NECTIN3: variants seen among roughly 807,000 people sequenced by gnomAD.
NECTIN3 encodes nectin cell adhesion molecule 3.
A neutral mutation model predicts 49.4 loss-of-function variants in NECTIN3; 8 were observed. The observed-to-expected ratio is 0.16, with a 90% confidence interval of 0.10 to 0.29. The LOEUF (loss-of-function observed/expected upper bound fraction) is 0.29, where lower values mean the gene tolerates loss of function less well. Ranked by LOEUF, NECTIN3 falls within the 10% of genes least tolerant of loss-of-function variation. The probability of loss-of-function intolerance (pLI) is 1.00; values close to 1 mark genes in which losing one functional copy is unlikely to be tolerated. For synonymous variants in NECTIN3, 277 were observed against 241.1 expected, an observed-to-expected ratio of 1.15 and a Z score of -1.38; for missense variants, 581 against 654.6, an observed-to-expected ratio of 0.89 and a Z score of 1.23.
At chr3:111,183,133 G>A (rs74973048) in intron 7 of NECTIN3, among the ~76,000 whole-genome samples, 2,285 of 150,664 alleles carry the variant, frequency 0.015, 56 homozygotes, top group African/African-American at 0.052. Flanking sequence ...TTCTCCCTGC[G>A]TTATAAACCT....
At chr3:111,112,471 G>T in intron 2 of NECTIN3, 100 bp downstream of exon 2, 3 of 763,384 alleles carry the variant, frequency 3.9e-6, no homozygotes, top group South Asian at 2.8e-5. Flanking sequence ...TTAACTTTAG[G>T]TTTAAAGTAA....
intron 1 of NECTIN3, among the ~76,000 whole-genome samples, chr3:111,111,547 A>G (rs1245356243): frequency 1.3e-5 from 2 of 152,140 alleles, no homozygotes; most frequent in Admixed American, 6.6e-5. Context: ...CCAAAACATA[A>G]TGGCTTTAAA....
chr3:111,099,774 G>C (rs1185021380), intron 1 of NECTIN3, among the ~76,000 whole-genome samples: 4 of 152,160 alleles, frequency 2.6e-5, no homozygotes, highest in African/African-American at 9.6e-5. Flanking sequence ...GGTTAGGGGA[G>C]TGGGGAAGAA....
At chr3:111,138,091 A>G (rs948567811), downstream of NECTIN3, among the ~76,000 whole-genome samples, 5 of 151,738 alleles carry the variant, frequency 3.3e-5, no homozygotes, top group East Asian at 1.9e-4. Context: ...TTTGGAATTA[A>G]CACATTTCAT....
At chr3:111,189,867 T>C (rs2035783537), upstream of NECTIN3, among the ~76,000 whole-genome samples, 1 of 152,156 alleles carries the variant, frequency 6.6e-6, no homozygotes, top group Admixed American at 6.5e-5. Flanking sequence ...ACCATGACTG[T>C]GGGCATGTGC....
downstream of NECTIN3, among the ~76,000 whole-genome samples, chr3:111,138,658 A>G (rs2034657562): frequency 6.6e-6 from 1 of 151,632 alleles, no homozygotes; most frequent in Admixed American, 6.6e-5. Context: ...GTTTTGGGAT[A>G]TATCTTGTTT....
intron 1 of NECTIN3, among the ~76,000 whole-genome samples, chr3:111,091,380 G>A (rs764247198): frequency 3.3e-5 from 5 of 151,924 alleles, no homozygotes; most frequent in Non-Finnish European, 5.9e-5. Flanking sequence ...TCAGCCTCCC[G>A]AGTAGCTGGG....
chr3:111,153,864 A>G (rs1034046795), intron 7 of NECTIN3, among the ~76,000 whole-genome samples: 1 of 152,082 alleles, frequency 6.6e-6, no homozygotes, highest in African/African-American at 2.4e-5. Context: ...AATATTTAAT[A>G]TGTGCTAGCA....
At chr3:111,101,810 G>A (rs899086244) in intron 1 of NECTIN3, among the ~76,000 whole-genome samples, 5 of 152,124 alleles carry the variant, frequency 3.3e-5, no homozygotes, top group African/African-American at 1.2e-4. Context: ...ATAATTACAA[G>A]ACTTTAGTTC....
chr3:111,126,981 A>G (rs991306767), intron 5 of NECTIN3, among the ~76,000 whole-genome samples: 1 of 152,210 alleles, frequency 6.6e-6, no homozygotes, highest in Non-Finnish European at 1.5e-5. Flanking sequence ...AGAGCTAAAA[A>G]TACATCTTTT....
chr3:111,085,087 C>G (rs983952516), intron 1 of NECTIN3, among the ~76,000 whole-genome samples: 3 of 152,200 alleles, frequency 2.0e-5, no homozygotes, highest in Admixed American at 1.3e-4. Flanking sequence ...GATCTGTTGT[C>G]ACATGACGTT....
chr3:111,189,802 G>T (rs2035781936), upstream of NECTIN3, among the ~76,000 whole-genome samples: 1 of 152,200 alleles, frequency 6.6e-6, no homozygotes, highest in African/African-American at 2.4e-5. Context: ...TAGATAGGGG[G>T]TGAATGAGAG....
intron 7 of NECTIN3, among the ~76,000 whole-genome samples, chr3:111,175,443 C>T (rs1189057474): frequency 1.3e-5 from 2 of 151,764 alleles, no homozygotes; most frequent in East Asian, 2.0e-4. Flanking sequence ...CATAGAAAGG[C>T]CTCCCACTTG....
chr3:111,095,658 G>A (rs554958677), intron 1 of NECTIN3, among the ~76,000 whole-genome samples: 79 of 152,264 alleles, frequency 5.2e-4, no homozygotes, highest in African/African-American at 1.8e-3. Context: ...GGACCCTATG[G>A]GAGGTAATTG....
intron 1 of NECTIN3, among the ~76,000 whole-genome samples, chr3:111,084,365 T>G (rs2031804032): frequency 6.6e-6 from 1 of 152,196 alleles, no homozygotes; most frequent in African/African-American, 2.4e-5. Context: ...TAACATGGAC[T>G]TGTGAAACGT....
At chr3:111,082,269 G>C (rs146052334) in intron 1 of NECTIN3, among the ~76,000 whole-genome samples, 1 of 152,264 alleles carries the variant, frequency 6.6e-6, no homozygotes, top group African/African-American at 2.4e-5. Flanking sequence ...GAGAGTTGGG[G>C]TTAGAAGGGT....
upstream of NECTIN3, among the ~76,000 whole-genome samples, chr3:111,192,177 T>TG (rs2035824574): frequency 6.6e-6 from 1 of 152,158 alleles, no homozygotes; most frequent in African/African-American, 2.4e-5. Context: ...AGAGAGTGAG[T>TG]GAAACTCTTT....
chr3:111,168,281 T>C (rs2035360171), intron 7 of NECTIN3, among the ~76,000 whole-genome samples: 1 of 152,066 alleles, frequency 6.6e-6, no homozygotes, highest in African/African-American at 2.4e-5. Flanking sequence ...TTGAAGTAGG[T>C]TTTTAAAATA....
At chr3:111,130,572 T>C (rs1487593165) in intron 5 of NECTIN3, among the ~76,000 whole-genome samples, 1 of 152,150 alleles carries the variant, frequency 6.6e-6, no homozygotes, top group Non-Finnish European at 1.5e-5. Context: ...TGAGAAATTA[T>C]TTTTAATATA....
Sources: allele counts gnomAD v4.1 joint callset (sites outside exome capture counted in the v4.1 genomes callset), GRCh38; gene constraint gnomAD v4.1.1; transcripts MANE v1.5; gene names NCBI Gene and HGNC (gene_info 2026-07-23, HGNC 2026-07-21).